Variants in CNTNAP2 observed in about 807,000 individuals in gnomAD.
CNTNAP2 encodes contactin associated protein 2.
CNTNAP2 carries 98 observed loss-of-function variants against 155.2 expected under a neutral mutation model. The ratio of observed to expected loss-of-function variants is 0.63; its 90% CI spans 0.54 to 0.75. The LOEUF (loss-of-function observed/expected upper bound fraction) is 0.75. CNTNAP2 is among the 30% of genes least tolerant of loss of function. The pLI is 0.00. For synonymous variants in CNTNAP2, 651 were observed against 631.2 expected (o/e 1.03, Z -0.47); for missense variants, 1,727 against 1,688.1 (o/e 1.02, Z -0.40).
intron 1 of CNTNAP2, among the ~76,000 whole-genome samples, chr7:146,589,176 A>G (rs1160953455): frequency 6.6e-6 from 1 of 152,168 alleles, no homozygotes; most frequent in Non-Finnish European, 1.5e-5. Context: ...TAAGAATGCT[A>G]TTGAAAGTGG....
chr7:147,134,757 G>T (rs9640492), intron 8 of CNTNAP2, among the ~76,000 whole-genome samples: 56,152 of 151,730 alleles, frequency 0.37, 10,984 homozygotes, highest in East Asian at 0.56. Context: ...AAACAGTTAA[G>T]TCAGGATTCT....
intron 15 of CNTNAP2, among the ~76,000 whole-genome samples, chr7:148,112,857 G>GT (rs5888306): frequency 0.14 from 20,571 of 147,608 alleles, 1,844 homozygotes; most frequent in East Asian, 0.41. Flanking sequence ...AGCTCCAGAG[G>GT]TTTTTTTTTT....
intron 1 of CNTNAP2, among the ~76,000 whole-genome samples, chr7:146,656,176 T>C (rs1281401557): frequency 6.6e-6 from 1 of 152,246 alleles, no homozygotes; most frequent in Admixed American, 6.5e-5. Flanking sequence ...TCAACGTTTA[T>C]GGTCTTTTGG....
intron 4 of CNTNAP2, among the ~76,000 whole-genome samples, chr7:147,086,795 A>G (rs1800288766): frequency 6.6e-6 from 1 of 152,108 alleles, no homozygotes; most frequent in South Asian, 2.1e-4. Context: ...ACTTTCTCTA[A>G]CTATATCAAA....
chr7:147,263,184 A>G (rs536800350), intron 8 of CNTNAP2, among the ~76,000 whole-genome samples: 1 of 152,064 alleles, frequency 6.6e-6, no homozygotes, highest in African/African-American at 2.4e-5. Context: ...TCATCTCTAC[A>G]AAAAGTGCAA....
At chr7:148,198,486 A>G (rs566235864) in intron 18 of CNTNAP2, among the ~76,000 whole-genome samples, 3 of 152,266 alleles carry the variant, frequency 2.0e-5, no homozygotes, top group Admixed American at 6.5e-5. Flanking sequence ...TAAGCTATGT[A>G]AATGTCTTCC....
chr7:147,750,454 A>AT (rs951067447), intron 13 of CNTNAP2, among the ~76,000 whole-genome samples: 9 of 152,010 alleles, frequency 5.9e-5, no homozygotes, highest in African/African-American at 2.2e-4. Flanking sequence ...TATTGCTTGA[A>AT]TTTTCTCTAT....
chr7:147,545,533 T>C (rs531419532), intron 11 of CNTNAP2, among the ~76,000 whole-genome samples: 8 of 152,294 alleles, frequency 5.3e-5, no homozygotes, highest in Non-Finnish European at 8.8e-5. Flanking sequence ...AGGTTATCAG[T>C]CTGAGATAGG....
chr7:148,020,340 T>C (rs1400711323), intron 15 of CNTNAP2, among the ~76,000 whole-genome samples: 1 of 152,220 alleles, frequency 6.6e-6, no homozygotes, highest in African/African-American at 2.4e-5. Flanking sequence ...TCATCTTACT[T>C]TTATCACTAG....
chr7:146,483,289 A>G (rs1409210044), intron 1 of CNTNAP2, among the ~76,000 whole-genome samples: 2 of 50,546 alleles, frequency 4.0e-5, no homozygotes, highest in African/African-American at 3.3e-4. Flanking sequence ...AAAAATATAT[A>G]TATATATATA....
In CNTNAP2 at chr7:146,849,512, C is replaced by G. The variant is rs545613175; in HGVS notation, c.402+9608C>G. The stretch of plus-strand genomic sequence containing the variant: ...TATTTATAGAACAAGATAGCATGGG[C>G]TCTGGACCGGACCTCAAATATCTGA... On this transcript the variant is annotated intron_variant, in intron 3 of 23. Transcript: ENST00000361727. Among the ~76,000 whole-genome samples the G allele has an allele frequency of 2.6e-5, 4 of 152,286 alleles. No homozygotes were observed. The South Asian group carries it at 8.3e-4, about 32-fold the overall frequency.
At chr7:147,567,612 C>A (rs1427917937) in intron 12 of CNTNAP2, among the ~76,000 whole-genome samples, 2 of 152,034 alleles carry the variant, frequency 1.3e-5, no homozygotes, top group Admixed American at 6.6e-5. Flanking sequence ...CCAGACCGTT[C>A]CTGATGAGAC....
rs1802884865 is a variant in CNTNAP2, at chr7:148,051,294, A to G, written c.2384-66824A>G. On this transcript the variant is annotated intron_variant, in intron 15 of 23. Coordinates refer to ENST00000361727, the MANE Select transcript of CNTNAP2 (RefSeq NM_014141.6). Reference sequence around the variant, plus strand: ...CTTTTCTCAATAGGTAACCAAAATTAAAGCAGTAGCATTTGGCAGCAATTA... The same window carrying G: ...CTTTTCTCAATAGGTAACCAAAATTGAAGCAGTAGCATTTGGCAGCAATTA... Among the ~76,000 whole-genome samples the G allele has an allele frequency of 1.3e-5, 2 of 152,256 alleles. 1 individual carries two copies. The highest frequency in any genetic ancestry group is 4.1e-4 in the South Asian group (2 of 4,832).
At chr7:148,304,043 C>T (rs1797443403) in intron 21 of CNTNAP2, among the ~76,000 whole-genome samples, 1 of 152,192 alleles carries the variant, frequency 6.6e-6, no homozygotes, top group South Asian at 2.1e-4. Flanking sequence ...AACCTCCCTC[C>T]CTCTAGATAC....
intron 10 of CNTNAP2, among the ~76,000 whole-genome samples, chr7:147,481,986 T>G (rs1798430200): frequency 6.6e-6 from 1 of 152,216 alleles, no homozygotes; most frequent in African/African-American, 2.4e-5. Flanking sequence ...GTAAAAGAGA[T>G]ATTTCTTCTG....
At chr7:146,350,399 A>G (rs1448562384) in intron 1 of CNTNAP2, among the ~76,000 whole-genome samples, 3 of 152,144 alleles carry the variant, frequency 2.0e-5, no homozygotes, top group Non-Finnish European at 4.4e-5. Context: ...AAAAGAAGAC[A>G]TTTATGCAGC....
intron 1 of CNTNAP2, among the ~76,000 whole-genome samples, chr7:146,546,318 G>A (rs907755062): frequency 6.6e-6 from 1 of 151,912 alleles, no homozygotes; most frequent in Non-Finnish European, 1.5e-5. Flanking sequence ...ATTGCGTGTG[G>A]CATTCAAGTT....
intron 12 of CNTNAP2, among the ~76,000 whole-genome samples, chr7:147,627,853 A>G (rs1168481327): frequency 1.3e-5 from 2 of 151,924 alleles, no homozygotes; most frequent in African/African-American, 4.8e-5. Context: ...AAGTTTCAAC[A>G]ATAGACTAGA....
chr7:146,776,717 A>T (rs1802396209), intron 2 of CNTNAP2, among the ~76,000 whole-genome samples: 1 of 152,102 alleles, frequency 6.6e-6, no homozygotes, highest in African/African-American at 2.4e-5. Flanking sequence ...TACAAGAAAA[A>T]ATATATAGGT....
Sources: allele counts gnomAD v4.1 joint callset (sites outside exome capture counted in the v4.1 genomes callset), GRCh38; gene constraint gnomAD v4.1.1; transcripts MANE v1.5; gene names NCBI Gene and HGNC (gene_info 2026-07-23, HGNC 2026-07-21).